The following ENOX1 variants were observed in gnomAD, a reference collection of about 807,000 sequenced individuals.
ENOX1 encodes the protein ecto-NOX disulfide-thiol exchanger 1.
ENOX1 carries 42 observed loss-of-function variants against 82.5 expected under a neutral mutation model. The observed-to-expected ratio is 0.51, with a 90% CI of 0.40 to 0.66. The LOEUF (loss-of-function observed/expected upper bound fraction) is 0.66. Among genes scored for constraint, ENOX1 ranks in the 30% least tolerant of loss-of-function variants. The pLI, the probability that ENOX1 is intolerant of heterozygous loss-of-function variation, is 0.00. For synonymous variants in ENOX1, 271 were observed against 282.2 expected (o/e 0.96, Z 0.40); for missense variants, 608 against 811.6 (o/e 0.75, Z 3.05).
chr13:43,737,146 CT>C (rs2089672278), intron 1 of ENOX1, among the ~76,000 whole-genome samples: 1 of 152,164 alleles, frequency 6.6e-6, no homozygotes, highest in Admixed American at 6.5e-5. Flanking sequence ...CAAGTATAAC[CT>C]CTAAAAAACA....
intron 1 of ENOX1, among the ~76,000 whole-genome samples, chr13:43,707,730 T>TAA (rs2087395882): frequency 1.4e-4 from 4 of 29,150 alleles, no homozygotes; most frequent in Non-Finnish European, 2.3e-4. Flanking sequence ...AGACTCTGTC[T>TAA]CAAAAAAAAA....
At chr13:43,771,909 C>A (rs1566907942) in intron 1 of ENOX1, among the ~76,000 whole-genome samples, 1 of 149,540 alleles carries the variant, frequency 6.7e-6, no homozygotes, top group African/African-American at 2.5e-5. Flanking sequence ...GGAATACAGG[C>A]GCGTCTGCCA....
At chr13:43,258,385 A>G (rs2153474589) in intron 14 of ENOX1, among the ~76,000 whole-genome samples, 1 of 152,242 alleles carries the variant, frequency 6.6e-6, no homozygotes, top group African/African-American at 2.4e-5. Context: ...CACAGCAGAA[A>G]ATGTGGTGAA....
intron 2 of ENOX1, among the ~76,000 whole-genome samples, chr13:43,636,366 T>C (rs1194602579): frequency 6.6e-6 from 1 of 152,202 alleles, no homozygotes; most frequent in African/African-American, 2.4e-5. Context: ...CATGGGAAGA[T>C]AACTCTGGAA....
intron 2 of ENOX1, among the ~76,000 whole-genome samples, chr13:43,539,789 T>C (rs555167952): frequency 6.6e-6 from 1 of 152,344 alleles, no homozygotes; most frequent in Non-Finnish European, 1.5e-5. Context: ...TGAATTTTCC[T>C]GTTTCTCCTC....
chr13:43,388,835 G>A (rs1472081672), intron 5 of ENOX1, among the ~76,000 whole-genome samples: 1 of 152,102 alleles, frequency 6.6e-6, no homozygotes, highest in Non-Finnish European at 1.5e-5. Context: ...ATCATTAACA[G>A]CTGAACAAGA....
intron 3 of ENOX1, among the ~76,000 whole-genome samples, chr13:43,470,398 GTGTATA>G (rs2058014759): frequency 1.9e-4 from 6 of 32,336 alleles, no homozygotes; most frequent in African/African-American, 4.1e-4. Flanking sequence ...GTATATATAT[GTGTATA>G]TATATATATA....
At chr13:43,393,402 C>T (rs1321783828) in intron 5 of ENOX1, among the ~76,000 whole-genome samples, 1 of 152,174 alleles carries the variant, frequency 6.6e-6, no homozygotes, top group African/African-American at 2.4e-5. Flanking sequence ...GGCAAGAAAT[C>T]ACAGGCTGAA....
chr13:43,782,070 G>A (rs1952302496), intron 1 of ENOX1, among the ~76,000 whole-genome samples: 1 of 152,190 alleles, frequency 6.6e-6, no homozygotes, highest in Non-Finnish European at 1.5e-5. Context: ...GCTCTTTAGT[G>A]TATGAAAGAA....
chr13:43,616,204 ATT>A (rs58543927), intron 2 of ENOX1, among the ~76,000 whole-genome samples: 11 of 15,314 alleles, frequency 7.2e-4, no homozygotes, highest in African/African-American at 1.2e-3. Context: ...ATATATATAT[ATT>A]TTTTTTTTTT....
intron 3 of ENOX1, among the ~76,000 whole-genome samples, chr13:43,482,969 C>T (rs1050711603): frequency 6.6e-6 from 1 of 152,118 alleles, no homozygotes; most frequent in African/African-American, 2.4e-5. Flanking sequence ...TGAGGCCCAA[C>T]AGCGAAGGGT....
chr13:43,408,255 A>G (rs2053916576), intron 5 of ENOX1, among the ~76,000 whole-genome samples: 1 of 152,244 alleles, frequency 6.6e-6, no homozygotes, highest in Non-Finnish European at 1.5e-5. Flanking sequence ...TGATAAAATC[A>G]GAGGATATAA....
chr13:43,554,905 C>T (rs999030135), intron 2 of ENOX1, among the ~76,000 whole-genome samples: 7 of 152,024 alleles, frequency 4.6e-5, no homozygotes, highest in Non-Finnish European at 8.8e-5. Flanking sequence ...GACCCCTAGC[C>T]CAATATTCTC....
intron 2 of ENOX1, among the ~76,000 whole-genome samples, chr13:43,564,224 T>C (rs1054311974): frequency 6.6e-6 from 1 of 152,152 alleles, no homozygotes; most frequent in African/African-American, 2.4e-5. Context: ...AGATATTCCA[T>C]GTTTATGGAT....
chr13:43,432,450 C>A (rs752805727), intron 3 of ENOX1, among the ~76,000 whole-genome samples: 1 of 151,950 alleles, frequency 6.6e-6, no homozygotes, highest in Non-Finnish European at 1.5e-5. Flanking sequence ...ACCAGCCTGG[C>A]CAACATGGTG....
chr13:43,595,028 A>C (rs1048143670), intron 2 of ENOX1, among the ~76,000 whole-genome samples: 1 of 150,824 alleles, frequency 6.6e-6, no homozygotes, highest in Non-Finnish European at 1.5e-5. Flanking sequence ...AGGCGGGTGG[A>C]GATCTGGAAG....
intron 3 of ENOX1, among the ~76,000 whole-genome samples, chr13:43,445,843 G>T (rs1056413882): frequency 1.3e-5 from 2 of 152,200 alleles, no homozygotes; most frequent in African/African-American, 4.8e-5. Flanking sequence ...TGGGTGTGAC[G>T]CAAGCAATTC....
chr13:43,649,049 C>T (rs979422140), intron 2 of ENOX1, among the ~76,000 whole-genome samples: 13 of 152,282 alleles, frequency 8.5e-5, no homozygotes, highest in African/African-American at 2.2e-4. Context: ...AATGTCAAAG[C>T]GTGAAGGTGG....
chr13:43,239,270 C>T (rs2042701449), intron 14 of ENOX1, among the ~76,000 whole-genome samples: 1 of 152,136 alleles, frequency 6.6e-6, no homozygotes. Flanking sequence ...CTCTGCATGG[C>T]TCCCACAACA....
Sources: gnomAD v4.1 joint callset for allele counts (sites outside exome capture counted in the v4.1 genomes callset) on GRCh38, gnomAD v4.1.1 for gene constraint, MANE v1.5 for transcripts, NCBI Gene and HGNC (gene_info 2026-07-23, HGNC 2026-07-21) for gene names.